MACROH2A2: variants seen among roughly 807,000 people sequenced by gnomAD.
MACROH2A2 encodes core histone macro-H2A.2.
MACROH2A2 carries 6 observed loss-of-function variants against 37.6 expected under a neutral mutation model. The observed-to-expected ratio is 0.16, with a 90% confidence interval of 0.09 to 0.32. MACROH2A2 has a LOEUF of 0.32. Ranked by LOEUF, MACROH2A2 falls within the 10% of genes least tolerant of loss-of-function variation. MACROH2A2 has a pLI of 1.00. For missense variants in MACROH2A2, 290 were observed against 485.9 expected, an observed-to-expected ratio of 0.60 and a Z score of 3.79; for synonymous variants, 192 against 202.7, an observed-to-expected ratio of 0.95 and a Z score of 0.45.
At chr10:70,071,421 G>A (rs1185541994) in intron 1 of MACROH2A2, among the ~76,000 whole-genome samples, 1 of 152,100 alleles carries the variant, frequency 6.6e-6, no homozygotes, top group Non-Finnish European at 1.5e-5. Flanking sequence ...TCATTGAAAA[G>A]TGCCTTTCAG....
At chr10:70,066,488 C>T (rs1204206039) in intron 1 of MACROH2A2, among the ~76,000 whole-genome samples, 2 of 152,096 alleles carry the variant, frequency 1.3e-5, no homozygotes, top group Non-Finnish European at 2.9e-5. Context: ...CCAGGAAGAC[C>T]GCTGGCTAAA....
intron 2 of MACROH2A2, among the ~76,000 whole-genome samples, chr10:70,078,452 G>T (rs2072153802): frequency 6.6e-6 from 1 of 152,178 alleles, no homozygotes; most frequent in Admixed American, 6.5e-5. Flanking sequence ...TCCCTTCTTT[G>T]TGCCCTTTCT....
chr10:70,083,575 TG>T (rs1221742771), intron 2 of MACROH2A2, among the ~76,000 whole-genome samples: 1 of 151,974 alleles, frequency 6.6e-6, no homozygotes, highest in Non-Finnish European at 1.5e-5. Context: ...AAGAGAAGGC[TG>T]GGGACAACAC....
chr10:70,055,491 A>T (rs1477098508), intron 1 of MACROH2A2, among the ~76,000 whole-genome samples: 4 of 152,182 alleles, frequency 2.6e-5, no homozygotes, highest in African/African-American at 9.7e-5. Context: ...GGGTCCTCCC[A>T]TCTCAGCCTC....
chr10:70,066,833 TG>T (rs2072081953), intron 1 of MACROH2A2, among the ~76,000 whole-genome samples: 2 of 152,172 alleles, frequency 1.3e-5, no homozygotes, highest in Non-Finnish European at 2.9e-5. Context: ...CCTTCCCAGC[TG>T]AGACTGCTCC....
At position 70,111,625 on chromosome 10, in the gene MACROH2A2, T is replaced by G; in HGVS notation, c.1061T>G (p.Phe354Cys). The G allele has an allele frequency of 6.2e-7, 1 of 1,613,496 alleles. No homozygotes were observed. The highest frequency in any genetic ancestry group is 8.5e-7 in the Non-Finnish European group (1 of 1,179,750). The change falls in exon 9 of 9, where the codon TTC (phenylalanine) becomes TGC (cysteine). Residue 354 changes from phenylalanine (F) to cysteine (C), a missense_variant. Transcript: ENST00000373255. ...CTGAAGAACGTGTACTTCCTGCTCTTCGACAGCGAGAGCATCGGCATCTAC... is the reference window on the plus strand; with the variant it reads ...CTGAAGAACGTGTACTTCCTGCTCTGCGACAGCGAGAGCATCGGCATCTAC... Reference protein sequence around the residue: ...SSLKNVYFLLFDSESIGIYVQ... With the variant: ...SSLKNVYFLLCDSESIGIYVQ...
In MACROH2A2 at chr10:70,053,740, T is replaced by C. The variant is rs1177572254; in HGVS notation, c.-60+740T>C. On this transcript the variant is annotated intron_variant, in intron 1 of 8. Transcript: ENST00000373255. This position sits in a 1 kb window ranked among gnomAD's most constrained non-coding sequence, Gnocchi z 4.8. ...TCGGTTCCCTTTCCGGGGCGCCCGG[T>C]GCCGACGCGCGCTGCGCTTTCACCG... is the stretch of plus-strand genomic sequence containing the variant. 6.6e-6 allele frequency among the ~76,000 whole-genome samples: 1 copy of C among 151,774 alleles called. No individual in the cohort carries two copies. Among genetic ancestry groups the C allele is most frequent in the Non-Finnish European group, 1.5e-5 (1 of 67,886 alleles).
intron 1 of MACROH2A2, among the ~76,000 whole-genome samples, chr10:70,055,548 G>GAAATA (rs60686739): frequency 0.2 from 30,284 of 151,924 alleles, 3,242 homozygotes; most frequent in East Asian, 0.36. Flanking sequence ...GGAAAGAAAT[G>GAAATA]AAATATAAGG....
At chr10:70,057,881 ACACCCAT>A (rs2136614203) in intron 1 of MACROH2A2, among the ~76,000 whole-genome samples, 1 of 152,268 alleles carries the variant, frequency 6.6e-6, no homozygotes, top group East Asian at 1.9e-4. Flanking sequence ...TACTATTACT[ACACCCAT>A]CACAGGAAAA....
At position 70,091,910 on chromosome 10, in the gene MACROH2A2, G is replaced by C. The variant is rs115009483; in HGVS notation, c.433G>C (p.Gly145Arg). 1.9e-4 allele frequency: 313 copies of C among 1,614,008 alleles called. No individual in the cohort carries two copies. In the Middle Eastern group the frequency reaches 2.8e-3, roughly 15 times the overall value. The change falls in exon 4 of 9, where the codon GGG becomes CGG. Residue 145 changes from glycine to arginine, a missense_variant. By Grantham distance (125) the Gly-to-Arg change is moderately radical. Coordinates refer to ENST00000373255, the MANE Select transcript of MACROH2A2 (RefSeq NM_018649.3). ...RGRKATSGKK[G>R]GKKSKAAKPR... is the part of the protein sequence containing the mutation. Reference sequence around the variant, plus strand: ...CAGGAAGGCCACGTCAGGCAAGAAGGGGGGGAAGAAATCCAAGGCTGCCAA... The same window carrying C: ...CAGGAAGGCCACGTCAGGCAAGAAGCGGGGGAAGAAATCCAAGGCTGCCAA...
intron 2 of MACROH2A2, among the ~76,000 whole-genome samples, chr10:70,076,595 T>G (rs190252133): frequency 7.7e-4 from 118 of 152,274 alleles, no homozygotes; most frequent in Non-Finnish European, 1.5e-3. Context: ...TAAATATATA[T>G]GTACAATAAG....
At chr10:70,059,407 C>G (rs1320444486) in intron 1 of MACROH2A2, among the ~76,000 whole-genome samples, 1 of 150,852 alleles carries the variant, frequency 6.6e-6, no homozygotes, top group African/African-American at 2.4e-5. Flanking sequence ...GAGTCTCACT[C>G]TGTCACCCAG....
intron 1 of MACROH2A2, among the ~76,000 whole-genome samples, chr10:70,065,236 T>C (rs1408950784): frequency 6.6e-6 from 1 of 151,888 alleles, no homozygotes; most frequent in Non-Finnish European, 1.5e-5. Flanking sequence ...ACCACCACGC[T>C]CAGCTAATTT....
chr10:70,068,915 C>A (rs985447822), intron 1 of MACROH2A2, among the ~76,000 whole-genome samples: 2 of 152,198 alleles, frequency 1.3e-5, no homozygotes, highest in African/African-American at 2.4e-5. Flanking sequence ...ATAAATTTAA[C>A]AACATCTAAT....
At chr10:70,087,643 A>G (rs1448044550) in intron 2 of MACROH2A2, among the ~76,000 whole-genome samples, 6 of 152,192 alleles carry the variant, frequency 3.9e-5, no homozygotes, top group Non-Finnish European at 8.8e-5. Flanking sequence ...TTTTTCCAGT[A>G]TAATCCATGG....
chr10:70,080,205 G>A (rs1019142018), intron 2 of MACROH2A2, among the ~76,000 whole-genome samples: 2 of 151,998 alleles, frequency 1.3e-5, no homozygotes, highest in Non-Finnish European at 2.9e-5. Context: ...CTTGAACCCA[G>A]GAGGCGGAGG....
At chr10:70,083,421 G>T (rs777228291) in intron 2 of MACROH2A2, among the ~76,000 whole-genome samples, 87 of 152,288 alleles carry the variant, frequency 5.7e-4, no homozygotes, top group Non-Finnish European at 9.7e-4. Context: ...TCCTGCTGAT[G>T]TCCTGGGGGC....
chr10:70,068,797 A>G (rs2072092719), intron 1 of MACROH2A2, among the ~76,000 whole-genome samples: 1 of 152,216 alleles, frequency 6.6e-6, no homozygotes, highest in South Asian at 2.1e-4. Flanking sequence ...TGATTGCCCC[A>G]GTGTACCCTG....
rs921072353 is a variant in MACROH2A2 at position 70,107,229 on chromosome 10, G to A, written c.779-1804G>A. ...GAGCCTACAGCCTCCCCTGATGGAC[G>A]AAGGGGTCCCTTGGATTTGGCTTCT... is the stretch of plus-strand genomic sequence containing the variant. On this transcript the variant is annotated intron_variant, in intron 7 of 8. Coordinates refer to ENST00000373255, the MANE Select transcript of MACROH2A2 (RefSeq NM_018649.3). This position sits in a 1 kb window ranked among gnomAD's most constrained non-coding sequence, Gnocchi z 4.4. Among the ~76,000 whole-genome samples, 7 of 152,290 alleles carry A rather than the reference G, an allele frequency of 4.6e-5. No individual in the cohort carries two copies. The highest frequency in any genetic ancestry group is 4.1e-4 in the South Asian group (2 of 4,820).
Sources: gnomAD v4.1 joint callset for allele counts (sites outside exome capture counted in the v4.1 genomes callset) on GRCh38, gnomAD v4.1.1 for gene constraint, Gnocchi (gnomAD v3.1) non-coding constraint, MANE v1.5 for transcripts, NCBI Gene and HGNC (gene_info 2026-07-23, HGNC 2026-07-21) for gene names.